Variants in SNX32 observed in about 807,000 individuals in gnomAD.
SNX32 encodes sorting nexin 32, also known as sorting nexin-32.
SNX32 carries 58 observed loss-of-function variants against 57.0 expected under a neutral mutation model. The ratio of observed to expected loss-of-function variants is 1.02; its 90% CI spans 0.82 to 1.27. The LOEUF (loss-of-function observed/expected upper bound fraction) is 1.27. Ranked by LOEUF, SNX32 falls within the 50% of genes most tolerant of loss-of-function variation. The probability of loss-of-function intolerance (pLI) is 0.00; values close to 1 mark genes in which losing one functional copy is unlikely to be tolerated. For synonymous variants in SNX32, 262 were observed against 220.4 expected, an observed-to-expected ratio of 1.19 and a Z score of -1.67; for missense variants, 589 against 541.2, an observed-to-expected ratio of 1.09 and a Z score of -0.88.
intron 1 of SNX32, among the ~76,000 whole-genome samples, chr11:65,845,737 C>CA (rs546794558): frequency 4.3e-4 from 65 of 150,096 alleles, no homozygotes; most frequent in African/African-American, 1.4e-3. Flanking sequence ...AACTCCATCT[C>CA]AAAAAAAAAC....
intron 1 of SNX32, among the ~76,000 whole-genome samples, chr11:65,840,815 AAG>A (rs1858819499): frequency 6.6e-6 from 1 of 151,988 alleles, no homozygotes; most frequent in African/African-American, 2.4e-5. Context: ...AAAAAAAAAA[AAG>A]AATCTACAAA....
At chr11:65,851,604 G>A (rs1336359707) in intron 8 of SNX32, 36 bp from the exon 9 acceptor site, 3 of 1,612,860 alleles carry the variant, frequency 1.9e-6, no homozygotes, top group Non-Finnish European at 2.5e-6. Context: ...CTGTTCCTCA[G>A]CCCCCTACCC....
At chr11:65,851,558 AT>A (rs1366293810) in intron 8 of SNX32, 81 bp from the exon 9 acceptor site, 29 of 1,567,516 alleles carry the variant, frequency 1.9e-5, no homozygotes, top group African/African-American at 4.1e-5. Context: ...GGAGAGGGAG[AT>A]TCCCAAGGAG....
chr11:65,839,225 A>ATTTTTTTTTTTTTTTTTTTTTTTTTTTTT lies in SNX32; in HGVS notation c.36+5146_36+5147insTTTTTTTTTTTTTTTTTTTTTTTTTTTTT, dbSNP rs1168882508. On this transcript the variant is annotated intron_variant, in intron 1 of 12. Coordinates refer to ENST00000308342, the MANE Select transcript of SNX32 (RefSeq NM_152760.3). ...CACCACGCCCAGCTAATTTTTTTGT[A>ATTTTTTTTTTTTTTTTTTTTTTTTTTTTT]TTTTTTTTTTTTTTTTTTTTTTGAG... Among the ~76,000 whole-genome samples, 10 of 27,640 alleles carry ATTTTTTTTTTTTTTTTTTTTTTTTTTTTT rather than the reference A, an allele frequency of 3.6e-4. 1 individual carries two copies. Among genetic ancestry groups the ATTTTTTTTTTTTTTTTTTTTTTTTTTTTT allele is most frequent in the Non-Finnish European group, 6.0e-4 (10 of 16,568 alleles). 18.1% of individuals were successfully genotyped at this position (27,640 alleles called of 152,430 possible).
At chr11:65,836,372 A>G (rs945999015) in intron 1 of SNX32, among the ~76,000 whole-genome samples, 2 of 152,074 alleles carry the variant, frequency 1.3e-5, no homozygotes, top group African/African-American at 4.8e-5. Context: ...GTGAAACCCC[A>G]TCTCTACTAA....
Position 65,851,149 on chromosome 11 carries a change from GC to G in SNX32, c.699del (p.Ala234ProfsTer16). 6.2e-7 allele frequency: 1 copy of G among 1,612,568 alleles called. No individual in the cohort carries two copies. The highest frequency in any genetic ancestry group is 8.5e-7 in the Non-Finnish European group (1 of 1,179,986). ...TGCCTGCGGGCCGACCGCGTCATGCGCGCCCACAAGTGTACGCAGGGCCCAA... is the reference window on the plus strand; with the variant it reads ...TGCCTGCGGGCCGACCGCGTCATGCGGCCCACAAGTGTACGCAGGGCCCAA... ...DACLRADRVMRAHKCLADDYI... is the reference protein window; with the variant it reads ...DACLRADRVMXAHKCLADDYI... On this transcript the variant is annotated frameshift_variant, in exon 7 of 13. Transcript: ENST00000308342. LOFTEE classifies it high-confidence loss of function.
rs931481201 is a variant in SNX32, at chr11:65,853,658, C to T, written c.*323C>T. 5.1e-5 allele frequency: 21 copies of T among 408,774 alleles called. No individual in the cohort carries two copies. The highest frequency in any genetic ancestry group is 8.1e-5 in the Non-Finnish European group (18 of 223,316). 25.3% of individuals were successfully genotyped at this position (408,774 alleles called of 1,614,324 possible). ...GAAGGAATCATAGCTCACTTGATCC[C>T]GGCCTGTTCTCCTTCGCAAATAAAA... is the stretch of plus-strand genomic sequence containing the variant. On this transcript the variant is annotated 3_prime_UTR_variant, in exon 13 of 13. Transcript: ENST00000308342.
chr11:65,850,189 A>C lies in SNX32; in HGVS notation c.292A>C (p.Arg98=). The change falls in exon 4 of 13, where the codon AGG becomes CGG. Residue 98 remains arginine, a synonymous_variant. Transcript: ENST00000308342. ...APPRPDFEAS[R]EKLQKLGEGD... ...TCCGAGGCCAGACTTTGAGGCTTCG[A>C]GGGAAAAGCTACAGAAATTGGGCGA... 6.2e-7 allele frequency: 1 copy of C among 1,614,216 alleles called. No homozygotes were observed. The highest frequency in any genetic ancestry group is 8.5e-7 in the Non-Finnish European group (1 of 1,180,030).
At chr11:65,840,374 A>G (rs903477722) in intron 1 of SNX32, among the ~76,000 whole-genome samples, 2 of 152,180 alleles carry the variant, frequency 1.3e-5, no homozygotes, top group Non-Finnish European at 2.9e-5. Context: ...ACATGTCATC[A>G]TATCATCACT....
At chr11:65,834,168 C>A (rs1858583093) in intron 1 of SNX32, 67 bp downstream of exon 1, 9 of 1,436,722 alleles carry the variant, frequency 6.3e-6, no homozygotes, top group Non-Finnish European at 8.6e-6. Context: ...GATGCCCAAT[C>A]ATGCGGTGGT....
chr11:65,849,541 G>C lies in SNX32; in HGVS notation c.100G>C (p.Val34Leu). The stretch of plus-strand genomic sequence containing the variant: ...CTTACAGGTGGAGATTTCTGACGCA[G>C]TGAGTGAGCGGGACAAGGTGAAATT... The part of the protein sequence containing the change: ...SSLQVEISDA[V>L]SERDKVKFTV... Residue 34 changes from valine (V) to leucine (L), a missense_variant, in exon 2 of 13, where the codon GTG (valine) becomes CTG (leucine). Coordinates refer to ENST00000308342, the MANE Select transcript of SNX32 (RefSeq NM_152760.3). 1 of 1,614,236 alleles carries C rather than the reference G, an allele frequency of 6.2e-7. No homozygotes were observed.
chr11:65,850,602 C>G, intron 5 of SNX32, 48 bp downstream of exon 5: 2 of 1,569,366 alleles, frequency 1.3e-6, no homozygotes, highest in Non-Finnish European at 1.7e-6. Flanking sequence ...AGGAGTCTAC[C>G]TTGGGTGGGG....
chr11:65,836,607 G>C (rs1002659671), intron 1 of SNX32, among the ~76,000 whole-genome samples: 1 of 152,134 alleles, frequency 6.6e-6, no homozygotes, highest in Non-Finnish European at 1.5e-5. Flanking sequence ...ATGCACACGT[G>C]TTTGTTGCAG....
Position 65,850,551 on chromosome 11 carries a change from G to A in SNX32, c.495G>A (p.Gln165=), listed in dbSNP as rs776170607. The change falls in exon 5 of 13, where the codon CAG becomes CAA. Residue 165 remains glutamine (Q), a synonymous_variant. Coordinates refer to ENST00000308342, the MANE Select transcript of SNX32 (RefSeq NM_152760.3). ...TCTTTGTGTTTTTGGAATATGGACA[G>A]GATGTGAGCTGGGCCGAATCCCTGG... is the stretch of plus-strand genomic sequence containing the variant. The part of the protein sequence containing the change: ...HNFFVFLEYG[Q]DLSVRGKNRK... The A allele has an allele frequency of 8.7e-6, 14 of 1,606,490 alleles. No individual in the cohort carries two copies. Among genetic ancestry groups the A allele is most frequent in the Admixed American group, 1.7e-5 (1 of 58,454 alleles).
At chr11:65,851,729 G>A (rs779581434) in intron 9 of SNX32, 50 bp downstream of exon 9, 2 of 1,593,924 alleles carry the variant, frequency 1.3e-6, no homozygotes, top group Non-Finnish European at 1.7e-6. Context: ...GCTTTGCAGG[G>A]AAGATGAGTC....
Position 65,850,215 on chromosome 11 carries a change from G to A in SNX32, c.318G>A (p.Glu106=), listed in dbSNP as rs773405682. Residue 106 remains glutamate (E), a synonymous_variant, in exon 4 of 13, where the codon GAG becomes GAA. Coordinates refer to ENST00000308342, the MANE Select transcript of SNX32 (RefSeq NM_152760.3). The stretch of plus-strand genomic sequence containing the variant: ...GGGAAAAGCTACAGAAATTGGGCGA[G>A]GGGGACAGCTCTGTCACTCGGGAAG... The part of the protein sequence containing the change: ...ASREKLQKLG[E]GDSSVTREEF... 2.5e-6 allele frequency: 4 copies of A among 1,614,220 alleles called. No individual in the cohort carries two copies. The highest frequency in any genetic ancestry group is 3.4e-6 in the Non-Finnish European group (4 of 1,180,032).
chr11:65,847,453 G>A (rs1859033947), intron 1 of SNX32, among the ~76,000 whole-genome samples: 1 of 152,074 alleles, frequency 6.6e-6, no homozygotes, highest in African/African-American at 2.4e-5. Context: ...TCCAGCCTGA[G>A]TGACAGAGCA....
At chr11:65,838,221 GGAA>G (rs1178154935) in intron 1 of SNX32, among the ~76,000 whole-genome samples, 1 of 150,610 alleles carries the variant, frequency 6.6e-6, no homozygotes, top group Non-Finnish European at 1.5e-5. Context: ...AAGGAAGGAA[GGAA>G]GGAGAAATAA....
intron 6 of SNX32, 49 bp downstream of exon 6, chr11:65,850,904 C>A: frequency 2.6e-6 from 4 of 1,557,238 alleles, no homozygotes; most frequent in Non-Finnish European, 3.5e-6. Flanking sequence ...CTCAAGTCCA[C>A]AGCACAGATT....
Sources: allele counts gnomAD v4.1 joint callset (sites outside exome capture counted in the v4.1 genomes callset), GRCh38; gene constraint gnomAD v4.1.1; transcripts MANE v1.5; gene names NCBI Gene and HGNC (gene_info 2026-07-23, HGNC 2026-07-21).